CCDC127: variants seen among roughly 807,000 people sequenced by gnomAD.
The protein encoded by CCDC127 is coiled-coil domain-containing protein 127.
CCDC127 carries 2 observed loss-of-function variants against 4.1 expected under a neutral mutation model. The ratio of observed to expected loss-of-function variants is 0.49; its 90% CI spans 0.20 to 1.53. The LOEUF (loss-of-function observed/expected upper bound fraction) is 1.53. Ranked by LOEUF, CCDC127 falls within the 40% of genes most tolerant of loss-of-function variation. The probability of loss-of-function intolerance (pLI) is 0.23; values close to 1 mark genes in which losing one functional copy is unlikely to be tolerated. For missense variants in CCDC127, 271 were observed against 322.9 expected (o/e 0.84, Z 1.23); for synonymous variants, 98 against 120.4 (o/e 0.81, Z 1.22).
Position 205,181 on chromosome 5 carries a change from AG to A in CCDC127, c.*115del. The A allele has an allele frequency of 1.1e-6, 1 of 946,858 alleles. No homozygotes were observed. The highest frequency in any genetic ancestry group is 1.6e-6 in the Non-Finnish European group (1 of 628,800). 58.7% of individuals were successfully genotyped at this position (946,858 alleles called of 1,614,324 possible). On this transcript the variant is annotated 3_prime_UTR_variant, in exon 3 of 3. Coordinates refer to ENST00000296824, the MANE Select transcript of CCDC127 (RefSeq NM_145265.3). ...TGGCGGGAGTGGAGGTCGCTGCTGA[AG>A]GGTGACGGTGTGGCCATGACACGGG...
At position 202,083 on chromosome 5, in the gene CCDC127, A is replaced by T. The variant is rs947454893; in HGVS notation, c.*3214T>A. On this transcript the variant is annotated 3_prime_UTR_variant, in exon 3 of 3. Transcript: ENST00000296824. ...AACCAGCACAATTACCCTTTTCTGC[A>T]ACTTTAAACCACTTTGGTTGAGGAG... is the stretch of plus-strand genomic sequence containing the variant. 2.0e-5 allele frequency: 3 copies of T among 152,280 alleles called. No homozygotes were observed. Among genetic ancestry groups the T allele is most frequent in the Non-Finnish European group, 4.4e-5 (3 of 68,068 alleles). The allele number at this position is 152,280 out of a possible 1,614,324, so 9.4% of individuals were successfully genotyped here.
At chr5:205,991 A>G in intron 2 of CCDC127, 33 bp from the exon 3 acceptor site, 1 of 1,559,706 alleles carries the variant, frequency 6.4e-7, no homozygotes, top group Non-Finnish European at 8.7e-7. Context: ...CACATAATGA[A>G]AAAGTTAGGG....
At chr5:215,168 C>T (rs1222344413) in intron 2 of CCDC127, 1 of 152,194 alleles carries the variant, frequency 6.6e-6, no homozygotes, top group Non-Finnish European at 1.5e-5. Flanking sequence ...GGTTAACGCT[C>T]CTATGTGCAA....
rs746293472 is a variant in CCDC127, at chr5:201,811, T to C, written c.*3486A>G. On this transcript the variant is annotated 3_prime_UTR_variant, in exon 3 of 3. Transcript: ENST00000296824. ...TCCTTTTTAAGCCACTGCAACCTCA[T>C]ATACAATGTTCACTCCAGACAAGGA... 6 of 152,104 alleles carry C rather than the reference T, an allele frequency of 3.9e-5. No homozygotes were observed. Among genetic ancestry groups the C allele is most frequent in the African/African-American group, 9.7e-5 (4 of 41,404 alleles). 9.4% of individuals were successfully genotyped at this position (152,104 alleles called of 1,614,324 possible). A position where few individuals can be genotyped will look rare whatever the true frequency, so the allele number is the denominator to read the frequency against.
rs1348907388 is a variant in CCDC127 at position 197,751 on chromosome 5, C to G, written c.*7546G>C. The G allele has an allele frequency of 1.9e-5, 3 of 154,144 alleles. No individual in the cohort carries two copies. The highest frequency in any genetic ancestry group is 4.3e-5 in the Non-Finnish European group (3 of 70,218). 9.5% of individuals were successfully genotyped at this position (154,144 alleles called of 1,614,324 possible). The stretch of plus-strand genomic sequence containing the variant: ...CATGTCTTCCCTTTCTACATAGACA[C>G]AGTGACAGTCTGATCTCTCTTTTCC... On this transcript the variant is annotated 3_prime_UTR_variant, in exon 3 of 3. Coordinates refer to ENST00000296824, the MANE Select transcript of CCDC127 (RefSeq NM_145265.3).
chr5:199,306 C>A lies in CCDC127; in HGVS notation c.*5991G>T. On this transcript the variant is annotated 3_prime_UTR_variant, in exon 3 of 3. Transcript: ENST00000296824. ...TGGCCCCTGTGTGGTGGACGTGGCC[C>A]CTCTGTGTGGTGGACGTGGCCCCTC... 6.5e-6 allele frequency: 1 copy of A among 154,564 alleles called. No individual in the cohort carries two copies. Among genetic ancestry groups the A allele is most frequent in the Non-Finnish European group, 1.4e-5 (1 of 73,136 alleles). The allele number at this position is 154,564 out of a possible 1,614,324, so 9.6% of individuals were successfully genotyped here.
chr5:209,007 A>G (rs1734233760), intron 2 of CCDC127, among the ~76,000 whole-genome samples: 1 of 152,156 alleles, frequency 6.6e-6, no homozygotes, highest in Non-Finnish European at 1.5e-5. Flanking sequence ...TAAACACAAG[A>G]CGTAAAGAAG....
At position 201,567 on chromosome 5, in the gene CCDC127, T is replaced by C. The variant is rs892947981; in HGVS notation, c.*3730A>G. The C allele has an allele frequency of 2.0e-5, 3 of 152,112 alleles. No homozygotes were observed. The highest frequency in any genetic ancestry group is 7.2e-5 in the African/African-American group (3 of 41,410). 9.4% of individuals were successfully genotyped at this position (152,112 alleles called of 1,614,324 possible). A position where few individuals can be genotyped will look rare whatever the true frequency, so the allele number is the denominator to read the frequency against. On this transcript the variant is annotated 3_prime_UTR_variant, in exon 3 of 3. Transcript: ENST00000296824. ...CACATATGCACGCATATGAAATATA[T>C]ATGCAAATTATATATCCTTATGGAT...
chr5:207,693 G>A (rs968514811), intron 2 of CCDC127, among the ~76,000 whole-genome samples: 2 of 152,172 alleles, frequency 1.3e-5, no homozygotes, highest in Non-Finnish European at 2.9e-5. Context: ...GGGCCCCCAG[G>A]AGACCCGGAC....
Position 205,314 on chromosome 5 carries a change from C to T in CCDC127, c.766G>A (p.Ala256Thr). The change falls in exon 3 of 3, where the codon GCC becomes ACC. Residue 256 changes from alanine (A) to threonine (T), a missense_variant. Around this residue, in one of 2 missense-constraint regions of CCDC127, gnomAD observed 265 missense variants for 270.9 expected, o/e 0.98. Coordinates refer to ENST00000296824, the MANE Select transcript of CCDC127 (RefSeq NM_145265.3). The part of the protein sequence containing the change: ...ELKKFKRVEE[A>T]ILEK ...CTCTTGTCTTACTTTTCTAGTATGG[C>T]TTCCTCTACTCTCTTAAACTTCTTC... 6.2e-7 allele frequency: 1 copy of T among 1,606,464 alleles called. No homozygotes were observed. The highest frequency in any genetic ancestry group is 1.7e-4 in the Middle Eastern group (1 of 6,028).
rs2162872 is a variant in CCDC127, at chr5:200,195, T to C, written c.*5102A>G. 98,184 of 152,208 alleles carry C rather than the reference T, an allele frequency of 0.65. 32,343 individuals are homozygous for C. The highest frequency in any genetic ancestry group is 0.75 in the African/African-American group (31,333 of 41,530). 9.4% of individuals were successfully genotyped at this position (152,208 alleles called of 1,614,324 possible). On this transcript the variant is annotated 3_prime_UTR_variant, in exon 3 of 3. Transcript: ENST00000296824. ...AAGACCCTCAGCCTGTCAGGGGGTC[T>C]GCAGCAGATGAGAGACCTGCGAAGC...
rs964920480 is a variant in CCDC127 at position 204,552 on chromosome 5, T to C, written c.*745A>G. 1.6e-4 allele frequency: 24 copies of C among 152,264 alleles called. No homozygotes were observed. The highest frequency in any genetic ancestry group is 5.5e-4 in the African/African-American group (23 of 41,462). The allele number at this position is 152,264 out of a possible 1,614,324, so 9.4% of individuals were successfully genotyped here. A position where few individuals can be genotyped will look rare whatever the true frequency, so the allele number is the denominator to read the frequency against. ...ATAAATGGCAAGTATTTTGAGTATA[T>C]ATCATTGCTAATAAGTATCTGCTTG... On this transcript the variant is annotated 3_prime_UTR_variant, in exon 3 of 3. Transcript: ENST00000296824.
rs1734034512 is a variant in CCDC127, at chr5:199,573, C to G, written c.*5724G>C. On this transcript the variant is annotated 3_prime_UTR_variant, in exon 3 of 3. Transcript: ENST00000296824. ...ACCCCCCGCCCCACCTCTGCCAGCC[C>G]AGAGCCCCTCAGCCCAGATCCCATT... The G allele has an allele frequency of 6.5e-6, 1 of 153,192 alleles. No homozygotes were observed. 9.5% of individuals were successfully genotyped at this position (153,192 alleles called of 1,614,324 possible).
At position 205,240 on chromosome 5, in the gene CCDC127, A is replaced by T. The variant is rs1444028448; in HGVS notation, c.*57T>A. On this transcript the variant is annotated 3_prime_UTR_variant, in exon 3 of 3. Transcript: ENST00000296824. ...GGAACGGAAGACGCCGGAGACCCAG[A>T]AGGCGCATGACTGCCTGGCCTCGAG... The T allele has an allele frequency of 2.7e-6, 4 of 1,499,440 alleles. No homozygotes were observed. The highest frequency in any genetic ancestry group is 3.6e-6 in the Non-Finnish European group (4 of 1,104,660). 92.9% of individuals were successfully genotyped at this position (1,499,440 alleles called of 1,614,324 possible). A position where few individuals can be genotyped will look rare whatever the true frequency, so the allele number is the denominator to read the frequency against.
chr5:203,232 T>G lies in CCDC127; in HGVS notation c.*2065A>C, dbSNP rs560421731. ...CTGCCTGGGTGACAGAGATTCCCTC[T>G]CAAAAAAAATAAAAAATGAAAATAA... is the stretch of plus-strand genomic sequence containing the variant. On this transcript the variant is annotated 3_prime_UTR_variant, in exon 3 of 3. Transcript: ENST00000296824. 5.3e-5 allele frequency: 8 copies of G among 151,324 alleles called. No homozygotes were observed. Among genetic ancestry groups the G allele is most frequent in the Admixed American group, 2.6e-4 (4 of 15,218 alleles). 9.4% of individuals were successfully genotyped at this position (151,324 alleles called of 1,614,324 possible).
chr5:206,325 C>T (rs781401301), intron 2 of CCDC127, among the ~76,000 whole-genome samples: 5 of 147,256 alleles, frequency 3.4e-5, no homozygotes, highest in Admixed American at 6.8e-5. Context: ...TAGCTTTGCC[C>T]GGTGGCGACT....
At chr5:218,025 G>A (rs1181903179) in intron 1 of CCDC127, 68 bp downstream of exon 1, 1 of 954,826 alleles carries the variant, frequency 1.0e-6, no homozygotes, top group Non-Finnish European at 1.3e-6. Context: ...GGGCGATCCC[G>A]GAGAACCACC....
chr5:214,325 G>A (rs1231890580), intron 2 of CCDC127: 1 of 152,106 alleles, frequency 6.6e-6, no homozygotes, highest in Non-Finnish European at 1.5e-5. Context: ...GAGGGTACAC[G>A]GGCTCTCTGC....
At chr5:217,500 A>T (rs1349783819) in intron 1 of CCDC127, among the ~76,000 whole-genome samples, 1 of 152,200 alleles carries the variant, frequency 6.6e-6, no homozygotes, top group Non-Finnish European at 1.5e-5. Context: ...ATACAGAATC[A>T]ACTCGATAAA....
Sources: gnomAD v4.1 joint callset for allele counts (sites outside exome capture counted in the v4.1 genomes callset) on GRCh38, gnomAD v4.1.1 for gene constraint, gnomAD v4.1.1 regional missense constraint, MANE v1.5 for transcripts, NCBI Gene and HGNC (gene_info 2026-07-23, HGNC 2026-07-21) for gene names.